MMP24: variants seen among roughly 807,000 people sequenced by gnomAD.
MMP24 encodes the protein matrix metalloproteinase-24.
MMP24 carries 25 observed loss-of-function variants against 62.8 expected under a neutral mutation model. The ratio of observed to expected loss-of-function variants is 0.40; its 90% CI spans 0.29 to 0.56. MMP24 has a LOEUF of 0.56. Ranked by LOEUF, MMP24 falls within the 20% of genes least tolerant of loss-of-function variation. The pLI, the probability that MMP24 is intolerant of heterozygous loss-of-function variation, is 0.50. For missense variants in MMP24, 634 were observed against 853.6 expected (o/e 0.74, Z 3.21); for synonymous variants, 319 against 350.5 (o/e 0.91, Z 1.00).
At chr20:35,273,381 G>T (rs1271015125) in intron 8 of MMP24, among the ~76,000 whole-genome samples, 5 of 150,834 alleles carry the variant, frequency 3.3e-5, no homozygotes, top group South Asian at 2.1e-4. Flanking sequence ...AGGCAATGGA[G>T]TGAGACCTTG....
intron 7 of MMP24, 123 bp downstream of exon 7, chr20:35,270,021 G>C: frequency 8.1e-7 from 1 of 1,231,384 alleles, no homozygotes; most frequent in Non-Finnish European, 1.1e-6. Flanking sequence ...CTAGTCTAAC[G>C]GAGACACTGA....
chr20:35,262,354 T>A (rs2060608327), intron 4 of MMP24, among the ~76,000 whole-genome samples: 1 of 152,028 alleles, frequency 6.6e-6, no homozygotes. Context: ...ACAAGACAAT[T>A]GTGGGGAGAG....
intron 8 of MMP24, among the ~76,000 whole-genome samples, chr20:35,273,373 GCAATGGAGTGAGAC>G (rs2060683897): frequency 1.3e-5 from 2 of 151,490 alleles, no homozygotes; most frequent in South Asian, 4.2e-4. Context: ...TCCAGCCTAG[GCAATGGAGTGAGAC>G]CTTGTCTTAA....
intron 8 of MMP24, among the ~76,000 whole-genome samples, chr20:35,273,297 G>A (rs1397594718): frequency 6.6e-6 from 1 of 151,922 alleles, no homozygotes; most frequent in Non-Finnish European, 1.5e-5. Flanking sequence ...TTGGGAGGCT[G>A]AGGCCAGAGG....
chr20:35,269,951 C>T lies in MMP24; in HGVS notation c.1333+53C>T. ...TCCCTGCCCAAGGTCTTGGGACCTC[C>T]TTTTTCCCATCTAAACTGGAAGAGG... On this transcript the variant is annotated intron_variant, in intron 7 of 8. Transcript: ENST00000246186. The surrounding 1 kb of genome is among the most constrained non-coding windows in gnomAD (Gnocchi z 4.6). 1.3e-6 allele frequency: 2 copies of T among 1,545,876 alleles called. No homozygotes were observed. Among genetic ancestry groups the T allele is most frequent in the Non-Finnish European group, 1.7e-6 (2 of 1,143,212 alleles).
At chr20:35,246,807 A>G (rs1021167661) in intron 1 of MMP24, 33 bp from the exon 2 acceptor site, 8 of 1,611,852 alleles carry the variant, frequency 5.0e-6, no homozygotes, top group Middle Eastern at 1.7e-4. Flanking sequence ...CTTTCCCAGC[A>G]TAACGCATCT....
At position 35,254,721 on chromosome 20, in the gene MMP24, GA is replaced by G; in HGVS notation, c.785del (p.Glu262GlyfsTer5). ...IGGDTHFDSDEPWTLGNANHD... is the reference protein window; with the variant it reads ...IGGDTHFDSDXPWTLGNANHD... ...AGGAGACACCCACTTTGACTCCGAT[GA>G]GCCATGGACGCTAGGAAATGCCAAC... is the stretch of plus-strand genomic sequence containing the variant. On this transcript the variant is annotated frameshift_variant, in exon 4 of 9. Transcript: ENST00000246186. LOFTEE classifies it high-confidence loss of function. The G allele has an allele frequency of 6.2e-7, 1 of 1,614,104 alleles. No individual in the cohort carries two copies. The highest frequency in any genetic ancestry group is 8.5e-7 in the Non-Finnish European group (1 of 1,179,984).
chr20:35,231,470 C>G (rs924992028), intron 1 of MMP24, among the ~76,000 whole-genome samples: 10 of 152,190 alleles, frequency 6.6e-5, no homozygotes, highest in African/African-American at 2.4e-4. Context: ...AAAAAACTCA[C>G]TATTAGGAAG....
intron 2 of MMP24, among the ~76,000 whole-genome samples, chr20:35,247,726 T>G (rs2060522951): frequency 6.6e-6 from 1 of 152,002 alleles, no homozygotes; most frequent in Non-Finnish European, 1.5e-5. Flanking sequence ...TGTGGGGTGG[T>G]CAGTGGGGCC....
chr20:35,232,988 T>A (rs1182892767), intron 1 of MMP24, among the ~76,000 whole-genome samples: 1 of 152,104 alleles, frequency 6.6e-6, no homozygotes, highest in African/African-American at 2.4e-5. Context: ...ATTTTAGGGC[T>A]CAAGTGACCC....
chr20:35,267,564 G>A (rs2060642850), intron 6 of MMP24, 145 bp downstream of exon 6: 2 of 837,466 alleles, frequency 2.4e-6, no homozygotes, highest in African/African-American at 3.4e-5. Context: ...CAGGGCATGG[G>A]GTCTCTTCCT....
At chr20:35,229,827 C>T (rs925997528) in intron 1 of MMP24, among the ~76,000 whole-genome samples, 1 of 152,110 alleles carries the variant, frequency 6.6e-6, no homozygotes, top group African/African-American at 2.4e-5. Flanking sequence ...GCACCCCTAC[C>T]CGTTCATTTG....
chr20:35,274,847 C>T lies in MMP24; in HGVS notation c.*238C>T. ...CCAGCCTTCTGTCCTGGGCAAACTA[C>T]TCCCTACTTAAGGGAATAGGCCAGG... On this transcript the variant is annotated 3_prime_UTR_variant, in exon 9 of 9. Coordinates refer to ENST00000246186, the MANE Select transcript of MMP24 (RefSeq NM_006690.4). This position sits in a 1 kb window ranked among gnomAD's most constrained non-coding sequence, Gnocchi z 5.1. 1.8e-6 allele frequency: 1 copy of T among 558,000 alleles called. No individual in the cohort carries two copies. Among genetic ancestry groups the T allele is most frequent in the Non-Finnish European group, 3.2e-6 (1 of 313,342 alleles). 34.6% of individuals were successfully genotyped at this position (558,000 alleles called of 1,614,324 possible).
rs71350374 is a variant in MMP24 at position 35,263,775 on chromosome 20, A to C, written c.818-16A>C. On this transcript the variant is annotated splice_polypyrimidine_tract_variant and intron_variant, in intron 4 of 8. Coordinates refer to ENST00000246186, the MANE Select transcript of MMP24 (RefSeq NM_006690.4). The stretch of plus-strand genomic sequence containing the variant: ...AAGCAGGTGCCCTGGGCACCTCCCC[A>C]CACTCCTCTCCACAGGGAACGACCT... The C allele has an allele frequency of 6.6e-7, 1 of 1,514,576 alleles. No individual in the cohort carries two copies. The highest frequency in any genetic ancestry group is 1.4e-5 in the African/African-American group (1 of 71,760). 93.8% of individuals were successfully genotyped at this position (1,514,576 alleles called of 1,614,324 possible). A position where few individuals can be genotyped will look rare whatever the true frequency, so the allele number is the denominator to read the frequency against.
chr20:35,236,127 T>C (rs1462220868), intron 1 of MMP24: 1 of 152,114 alleles, frequency 6.6e-6, no homozygotes, highest in Non-Finnish European at 1.5e-5. Flanking sequence ...GCTGCGCCAT[T>C]AAGGTGTTTG....
chr20:35,271,501 C>A lies in MMP24; in HGVS notation c.1334-68C>A. ...AGGGCATCAGACTGTTTTCACCTGA[C>A]ACCCTGAAGATGGGCAAACGGCACT... is the stretch of plus-strand genomic sequence containing the variant. On this transcript the variant is annotated intron_variant, in intron 7 of 8. Transcript: ENST00000246186. This position sits in a 1 kb window ranked among gnomAD's most constrained non-coding sequence, Gnocchi z 4.0. 1.3e-6 allele frequency: 2 copies of A among 1,549,780 alleles called. No homozygotes were observed. The highest frequency in any genetic ancestry group is 8.7e-7 in the Non-Finnish European group (1 of 1,144,656).
At chr20:35,261,795 C>CTTTT (rs11335936) in intron 4 of MMP24, among the ~76,000 whole-genome samples, 111 of 88,992 alleles carry the variant, frequency 1.2e-3, no homozygotes, top group East Asian at 1.6e-3. Flanking sequence ...TCAGGGCATC[C>CTTTT]TTTTTTTTTT....
At position 35,253,868 on chromosome 20, in the gene MMP24, G is replaced by GTTTTTTTTT. The variant is rs11474068; in HGVS notation, c.513-572_513-564dup. 1.8e-3 allele frequency among the ~76,000 whole-genome samples: 231 copies of GTTTTTTTTT among 130,062 alleles called. 4 individuals carry two copies. The highest frequency in any genetic ancestry group is 4.8e-3 in the African/African-American group (160 of 33,458). 85.3% of individuals were successfully genotyped at this position (130,062 alleles called of 152,430 possible). On this transcript the variant is annotated intron_variant, in intron 3 of 8. Transcript: ENST00000246186. ...AATGCTATCTACCAATTTCCTTTGG[G>GTTTTTTTTT]TTTTTTTTTTTTTTTTTTGAGACAG...
intron 1 of MMP24, among the ~76,000 whole-genome samples, chr20:35,236,639 A>G (rs1286868445): frequency 6.6e-6 from 1 of 152,132 alleles, no homozygotes; most frequent in East Asian, 1.9e-4. Context: ...TCTGGCAGCA[A>G]TAACCAAACG....
Sources: allele counts gnomAD v4.1 joint callset (sites outside exome capture counted in the v4.1 genomes callset), GRCh38; gene constraint gnomAD v4.1.1; non-coding constraint Gnocchi (gnomAD v3.1); transcripts MANE v1.5; gene names NCBI Gene and HGNC (gene_info 2026-07-23, HGNC 2026-07-21).